The following CHODL variants were observed in gnomAD, a reference collection of about 807,000 sequenced individuals.
The protein encoded by CHODL is transmembrane protein MT75.
In CHODL, 29 loss-of-function variants were observed where a neutral mutation model predicts 34.5. The observed-to-expected ratio is 0.84, with a 90% CI of 0.63 to 1.15. The LOEUF is 1.15. Ranked by LOEUF, CHODL falls within the 50% of genes most tolerant of loss-of-function variation. The pLI, the probability that CHODL is intolerant of heterozygous loss-of-function variation, is 0.00. For synonymous variants in CHODL, 125 were observed against 116.1 expected (o/e 1.08, Z -0.49); for missense variants, 332 against 332.5 (o/e 1.00, Z 0.01).
At chr21:18,121,552 A>G (rs1224527655) in intron 2 of CHODL, among the ~76,000 whole-genome samples, 2 of 152,174 alleles carry the variant, frequency 1.3e-5, no homozygotes, top group African/African-American at 4.8e-5. Flanking sequence ...ACTCATCTTC[A>G]TTTCAGTAAA....
At chr21:18,096,233 C>T (rs2065138141) in intron 2 of CHODL, among the ~76,000 whole-genome samples, 1 of 152,084 alleles carries the variant, frequency 6.6e-6, no homozygotes, top group South Asian at 2.1e-4. Context: ...ATGTATGTCA[C>T]CTCAGGACCC....
At chr21:18,040,763 G>T (rs918783819) in intron 2 of CHODL, among the ~76,000 whole-genome samples, 3 of 151,758 alleles carry the variant, frequency 2.0e-5, no homozygotes, top group Non-Finnish European at 4.4e-5. Context: ...GTTATCCACA[G>T]AACTCTTTAC....
intron 1 of CHODL, among the ~76,000 whole-genome samples, chr21:18,019,264 G>A (rs2064104822): frequency 6.6e-6 from 1 of 152,080 alleles, no homozygotes; most frequent in Non-Finnish European, 1.5e-5. Context: ...TTAGTATTGT[G>A]TGCTATGGAA....
chr21:18,046,673 T>A (rs2064447829), intron 2 of CHODL, among the ~76,000 whole-genome samples: 1 of 151,954 alleles, frequency 6.6e-6, no homozygotes, highest in African/African-American at 2.4e-5. Flanking sequence ...TTAGATAGCA[T>A]TACTTGAGAT....
chr21:18,095,289 T>C (rs2065126532), intron 2 of CHODL, among the ~76,000 whole-genome samples: 7 of 150,766 alleles, frequency 4.6e-5, no homozygotes. Context: ...GGAGAGAAGA[T>C]CCAAATATAT....
intron 1 of CHODL, among the ~76,000 whole-genome samples, chr21:18,025,737 G>A (rs2146431189): frequency 6.6e-6 from 1 of 152,214 alleles, no homozygotes; most frequent in Non-Finnish European, 1.5e-5. Flanking sequence ...TGCGATCAAA[G>A]TGTAGGCACG....
intron 1 of CHODL, among the ~76,000 whole-genome samples, chr21:18,015,854 G>T (rs1302007351): frequency 6.6e-6 from 1 of 152,112 alleles, no homozygotes; most frequent in Non-Finnish European, 1.5e-5. Flanking sequence ...ATGATTTAGG[G>T]TATCTTGTGG....
rs552221303 is a variant in CHODL at position 18,246,836 on chromosome 21, G to A, written c.79+1534G>A. ...AAATTGTTGAAGAGGTGTATTTTGC[G>A]TTCTATGAGTACATAATTTTTTCCA... On this transcript the variant is annotated intron_variant, in intron 1 of 5. Coordinates refer to ENST00000299295, the MANE Select transcript of CHODL (RefSeq NM_024944.3). Among the ~76,000 whole-genome samples the A allele has an allele frequency of 4.6e-5, 7 of 152,178 alleles. No homozygotes were observed. The South Asian group carries it at 1.0e-3, about 23-fold the overall frequency.
intron 2 of CHODL, among the ~76,000 whole-genome samples, chr21:18,105,898 T>C (rs2065266907): frequency 6.6e-6 from 1 of 152,182 alleles, no homozygotes; most frequent in East Asian, 1.9e-4. Flanking sequence ...TCTGTGTCTG[T>C]TCTCTTTAAG....
intron 1 of CHODL, among the ~76,000 whole-genome samples, chr21:17,942,868 G>T (rs147472996): frequency 1.3e-5 from 2 of 152,308 alleles, no homozygotes; most frequent in African/African-American, 2.4e-5. Flanking sequence ...GATCATGGGG[G>T]TGGAATTCCC....
chr21:18,257,867 G>A (rs1400142847), intron 3 of CHODL, among the ~76,000 whole-genome samples: 1 of 152,128 alleles, frequency 6.6e-6, no homozygotes, highest in Non-Finnish European at 1.5e-5. Flanking sequence ...GACTGAAAGA[G>A]GGACTAATAC....
chr21:18,059,029 A>G (rs2064621418), intron 2 of CHODL, among the ~76,000 whole-genome samples: 1 of 152,162 alleles, frequency 6.6e-6, no homozygotes, highest in African/African-American at 2.4e-5. Context: ...CCAAATTCAT[A>G]GGTTAAAGCC....
At chr21:17,947,857 A>T (rs115079695) in intron 1 of CHODL, among the ~76,000 whole-genome samples, 6 of 152,096 alleles carry the variant, frequency 3.9e-5, no homozygotes, top group African/African-American at 1.4e-4. Context: ...CCACTCATAT[A>T]TTTTTGCAGC....
rs185078393 is a variant in CHODL, at chr21:18,245,782, G to A, written c.79+480G>A. On this transcript the variant is annotated intron_variant, in intron 1 of 5. Coordinates refer to ENST00000299295, the MANE Select transcript of CHODL (RefSeq NM_024944.3). ...TGACCAGATCAGTTCGCTGTGGGTC[G>A]CCTCCGGATGCCTGGGCATTCGGTC... 1.9e-4 allele frequency: 138 copies of A among 733,156 alleles called. 1 individual carries two copies. The East Asian group carries it at 2.9e-3, about 15-fold the overall frequency. The allele number at this position is 733,156 out of a possible 1,614,324, so 45.4% of individuals were successfully genotyped here. A position where few individuals can be genotyped will look rare whatever the true frequency, so the allele number is the denominator to read the frequency against.
At chr21:18,067,968 G>A (rs1046777890) in intron 2 of CHODL, among the ~76,000 whole-genome samples, 6 of 152,016 alleles carry the variant, frequency 3.9e-5, no homozygotes, top group Non-Finnish European at 7.4e-5. Flanking sequence ...TTTAATTGTT[G>A]CTCTGTTTTA....
At chr21:18,181,713 C>T (rs1420428743) in intron 2 of CHODL, among the ~76,000 whole-genome samples, 3 of 152,190 alleles carry the variant, frequency 2.0e-5, no homozygotes, top group Admixed American at 6.5e-5. Flanking sequence ...TATTCTCCCT[C>T]CTCCTAGGCA....
intron 1 of CHODL, among the ~76,000 whole-genome samples, chr21:17,993,898 A>T (rs1210905893): frequency 6.6e-6 from 1 of 152,202 alleles, no homozygotes; most frequent in South Asian, 2.1e-4. Flanking sequence ...GTTAGCATAT[A>T]GCTTTTCATA....
intron 2 of CHODL, among the ~76,000 whole-genome samples, chr21:18,100,590 A>G (rs190949854): frequency 6.6e-6 from 1 of 152,276 alleles, no homozygotes; most frequent in East Asian, 1.9e-4. Context: ...CTGAAGAACT[A>G]CAAAAAGAAA....
At chr21:17,947,878 A>C (rs1300004377) in intron 1 of CHODL, among the ~76,000 whole-genome samples, 1 of 152,164 alleles carries the variant, frequency 6.6e-6, no homozygotes. Flanking sequence ...ACTATTTATA[A>C]TAGCAAAGTC....
Sources: gnomAD v4.1 joint callset for allele counts (sites outside exome capture counted in the v4.1 genomes callset) on GRCh38, gnomAD v4.1.1 for gene constraint, MANE v1.5 for transcripts, NCBI Gene and HGNC (gene_info 2026-07-23, HGNC 2026-07-21) for gene names.